HELZ: variants seen among roughly 807,000 people sequenced by gnomAD.
HELZ encodes the protein helicase with zinc finger.
A neutral mutation model predicts 218.2 loss-of-function variants in HELZ; 23 were observed. That is an observed-to-expected ratio of 0.11 (90% CI 0.08 to 0.15). The LOEUF (loss-of-function observed/expected upper bound fraction) is 0.15. Ranked by LOEUF, HELZ falls within the 10% of genes least tolerant of loss-of-function variation. The pLI is 1.00. For missense variants in HELZ, 1,813 were observed against 2,353.7 expected (o/e 0.77, Z 4.75); for synonymous variants, 814 against 829.4 (o/e 0.98, Z 0.32).
chr17:67,229,332 T>G (rs1329841743), intron 3 of HELZ, among the ~76,000 whole-genome samples: 1 of 152,098 alleles, frequency 6.6e-6, no homozygotes, highest in African/African-American at 2.4e-5. Context: ...GCCCAGAACA[T>G]CCTTTCCTCG....
chr17:67,130,067 T>C (rs2143896695), intron 23 of HELZ, among the ~76,000 whole-genome samples: 1 of 152,290 alleles, frequency 6.6e-6, no homozygotes, highest in East Asian at 1.9e-4. Flanking sequence ...TTCATAAAAC[T>C]TTGCAGAGTT....
chr17:67,193,899 G>A, intron 9 of HELZ, 68 bp downstream of exon 9: 9 of 1,166,882 alleles, frequency 7.7e-6, no homozygotes, highest in South Asian at 2.6e-5. Context: ...TACTCCATTA[G>A]ATAAGGAAAA....
At chr17:67,213,963 C>T (rs759310734) in intron 5 of HELZ, among the ~76,000 whole-genome samples, 3 of 152,102 alleles carry the variant, frequency 2.0e-5, no homozygotes, top group South Asian at 4.1e-4. Flanking sequence ...AAAAACTCTA[C>T]GTATTATAAG....
intron 12 of HELZ, among the ~76,000 whole-genome samples, chr17:67,187,328 C>T (rs764779947): frequency 2.0e-5 from 3 of 151,944 alleles, no homozygotes; most frequent in Non-Finnish European, 2.9e-5. Context: ...TCTTAGCACA[C>T]GTAGAAGAAG....
At chr17:67,086,037 C>T (rs543819626) in intron 32 of HELZ, among the ~76,000 whole-genome samples, 53 of 152,272 alleles carry the variant, frequency 3.5e-4, no homozygotes, top group Non-Finnish European at 4.9e-4. Context: ...TGGTCTCTCT[C>T]GTGGCCAAAC....
intron 5 of HELZ, among the ~76,000 whole-genome samples, chr17:67,215,599 A>G (rs1388705429): frequency 2.0e-5 from 3 of 152,098 alleles, no homozygotes. Flanking sequence ...TGCCCGCCTC[A>G]GCCTCCCAAA....
At chr17:67,245,570 G>C, upstream of HELZ, 1 of 968,548 alleles carries the variant, frequency 1.0e-6, no homozygotes, top group Non-Finnish European at 1.2e-6. Context: ...GGATTTATTT[G>C]TGCGCGTGGA....
intron 31 of HELZ, among the ~76,000 whole-genome samples, chr17:67,094,756 T>C (rs929617245): frequency 3.9e-5 from 6 of 152,154 alleles, no homozygotes; most frequent in African/African-American, 7.2e-5. Flanking sequence ...CACCCATGAA[T>C]AGCCACTGCA....
At chr17:67,126,729 C>A (rs1299566265) in intron 24 of HELZ, among the ~76,000 whole-genome samples, 3 of 141,546 alleles carry the variant, frequency 2.1e-5, no homozygotes, top group Non-Finnish European at 4.9e-5. Context: ...GGCATGGTGG[C>A]GCTTGGCTAT....
intron 13 of HELZ, among the ~76,000 whole-genome samples, chr17:67,168,209 T>C (rs1237027154): frequency 6.6e-6 from 1 of 152,030 alleles, no homozygotes; most frequent in Non-Finnish European, 1.5e-5. Flanking sequence ...AAGCTCTTGA[T>C]CTCAGGTGAT....
chr17:67,177,348 T>A (rs1486573784), intron 13 of HELZ, among the ~76,000 whole-genome samples: 2 of 152,172 alleles, frequency 1.3e-5, no homozygotes, highest in Non-Finnish European at 2.9e-5. Flanking sequence ...TTATTTTGAA[T>A]ATAATAATAC....
intron 31 of HELZ, among the ~76,000 whole-genome samples, chr17:67,105,766 C>G (rs1178396448): frequency 6.6e-6 from 1 of 152,152 alleles, no homozygotes; most frequent in African/African-American, 2.4e-5. Context: ...CCTCACAATA[C>G]ATATATGTAG....
intron 5 of HELZ, among the ~76,000 whole-genome samples, chr17:67,205,302 G>A (rs2040267100): frequency 6.6e-6 from 1 of 151,804 alleles, no homozygotes; most frequent in African/African-American, 2.4e-5. Context: ...CTCCAGCCTG[G>A]GGGACAAGAG....
chr17:67,201,258 CCT>C, intron 6 of HELZ, 73 bp from the exon 7 acceptor site: 1 of 927,550 alleles, frequency 1.1e-6, no homozygotes, highest in Non-Finnish European at 1.7e-6. Flanking sequence ...TAGCTCAATT[CCT>C]CTGTTGTTTC....
intron 17 of HELZ, among the ~76,000 whole-genome samples, chr17:67,157,627 C>T (rs918354737): frequency 6.6e-6 from 1 of 152,098 alleles, no homozygotes; most frequent in African/African-American, 2.4e-5. Flanking sequence ...AAGGAATTTA[C>T]ATATTTTCCA....
At chr17:67,196,310 A>T (rs2040027183) in intron 7 of HELZ, among the ~76,000 whole-genome samples, 1 of 152,030 alleles carries the variant, frequency 6.6e-6, no homozygotes, top group Non-Finnish European at 1.5e-5. Flanking sequence ...TAAACCACCA[A>T]TCAGCGCATT....
chr17:67,110,947 G>A (rs1383175441), intron 28 of HELZ, among the ~76,000 whole-genome samples: 1 of 152,126 alleles, frequency 6.6e-6, no homozygotes, highest in Non-Finnish European at 1.5e-5. Flanking sequence ...AATTAAGGAA[G>A]GTTTCACAGA....
intron 22 of HELZ, among the ~76,000 whole-genome samples, chr17:67,137,560 G>A (rs1213344780): frequency 6.6e-6 from 1 of 152,106 alleles, no homozygotes; most frequent in African/African-American, 2.4e-5. Context: ...AAGAGTTGCT[G>A]TTAACTATAA....
At chr17:67,151,295 G>T in intron 17 of HELZ, 71 bp from the exon 18 acceptor site, 1 of 1,188,606 alleles carries the variant, frequency 8.4e-7, no homozygotes, top group South Asian at 1.5e-5. Flanking sequence ...TTAAAACACT[G>T]ACATTGTTAT....
Sources: allele counts gnomAD v4.1 joint callset (sites outside exome capture counted in the v4.1 genomes callset), GRCh38; gene constraint gnomAD v4.1.1; transcripts MANE v1.5; gene names NCBI Gene and HGNC (gene_info 2026-07-23, HGNC 2026-07-21).